THNSL1: variants seen among roughly 807,000 people sequenced by gnomAD.
THNSL1 encodes the protein threonine synthase like 1.
Under a neutral mutation model 50.4 loss-of-function variants are expected in THNSL1, and 48 were observed. The ratio of observed to expected loss-of-function variants is 0.95; its 90% CI spans 0.76 to 1.21. THNSL1 has a LOEUF of 1.21. Ranked by LOEUF, THNSL1 falls within the 50% of genes most tolerant of loss-of-function variation. THNSL1 has a pLI of 0.00. For synonymous variants in THNSL1, 309 were observed against 306.1 expected (o/e 1.01, Z -0.10); for missense variants, 896 against 871.7 (o/e 1.03, Z -0.35).
chr10:24,986,708 G>T, the THNSL1 span, among the ~76,000 whole-genome samples: 1 of 152,170 alleles, frequency 6.6e-6, no homozygotes, highest in Non-Finnish European at 1.5e-5. Context: ...TTATCTTCCA[G>T]TGTGTACAAT....
chr10:24,995,107 T>A, the THNSL1 span, among the ~76,000 whole-genome samples: 1 of 152,200 alleles, frequency 6.6e-6, no homozygotes, highest in Non-Finnish European at 1.5e-5. Flanking sequence ...AAGGACTAGA[T>A]TATTGTACAG....
chr10:25,009,897 G>A, the THNSL1 span, among the ~76,000 whole-genome samples: 4 of 152,268 alleles, frequency 2.6e-5, no homozygotes, highest in African/African-American at 7.2e-5. Flanking sequence ...GTGGAACTGC[G>A]AGTCAAACCT....
intron 2 of THNSL1, among the ~76,000 whole-genome samples, chr10:25,022,582 AGTT>A (rs1202424584): frequency 6.6e-6 from 1 of 152,240 alleles, no homozygotes; most frequent in Non-Finnish European, 1.5e-5. Flanking sequence ...TTTGTCCTGT[AGTT>A]TGGAAAACTA....
upstream of THNSL1, chr10:25,015,893 G>C (rs112816834): frequency 1.0e-4 from 163 of 1,606,928 alleles, no homozygotes; most frequent in Non-Finnish European, 9.0e-5. Flanking sequence ...CAAGTCACTG[G>C]GTATGAGGTT....
At chr10:25,015,328 A>G (rs1213948905), upstream of THNSL1, among the ~76,000 whole-genome samples, 1 of 152,178 alleles carries the variant, frequency 6.6e-6, no homozygotes, top group African/African-American at 2.4e-5. Flanking sequence ...GTCCTTAGAA[A>G]CTGCCTAATA....
chr10:25,024,427 G>C lies in THNSL1; in HGVS notation c.1204G>C (p.Ala402Pro), dbSNP rs367746986. The C allele has an allele frequency of 6.2e-7, 1 of 1,614,042 alleles. No individual in the cohort carries two copies. Among genetic ancestry groups the C allele is most frequent in the Non-Finnish European group, 8.5e-7 (1 of 1,180,034 alleles). Residue 402 changes from alanine (A) to proline (P), a missense_variant, in exon 3 of 3, where the codon GCT becomes CCT. Physicochemically the swap from Ala to Pro is conservative, Grantham distance 27. Transcript: ENST00000376356. The part of the protein sequence containing the change: ...RLNKNDKQRI[A>P]VVAFFPENGV... ...AAATAAGAATGATAAGCAAAGGATA[G>C]CTGTGGTTGCATTTTTTCCTGAGAA...
chr10:24,984,785 G>A, the THNSL1 span: 1 of 1,613,610 alleles, frequency 6.2e-7, no homozygotes, highest in Non-Finnish European at 8.5e-7. Context: ...CCAATGTCGT[G>A]TTCTAGTTGT....
rs755877671 is a variant in THNSL1 at position 25,024,725 on chromosome 10, C to T, written c.1502C>T (p.Pro501Leu). 6.2e-7 allele frequency: 1 copy of T among 1,614,102 alleles called. No individual in the cohort carries two copies. Among genetic ancestry groups the T allele is most frequent in the African/African-American group, 1.3e-5 (1 of 75,024 alleles). Residue 501 changes from proline to leucine, a missense_variant, in exon 3 of 3, where the codon CCA (proline) becomes CTA (leucine). Physicochemically the swap from Pro to Leu is moderately conservative, Grantham distance 98. Transcript: ENST00000376356. ...VSQGFISFGSPVDVCIPTGNF... is the reference protein window; with the variant it reads ...VSQGFISFGSLVDVCIPTGNF... ...CAAGGATTTATTTCTTTTGGAAGCC[C>T]AGTCGATGTCTGTATTCCCACAGGA...
the THNSL1 span, among the ~76,000 whole-genome samples, chr10:24,978,461 T>C: frequency 1.3e-5 from 2 of 151,498 alleles, no homozygotes; most frequent in Non-Finnish European, 2.9e-5. Flanking sequence ...CCTCTCTCTC[T>C]CTTTCCCTCT....
At chr10:24,971,760 G>A in the THNSL1 span, among the ~76,000 whole-genome samples, 9 of 152,148 alleles carry the variant, frequency 5.9e-5, no homozygotes, top group African/African-American at 7.2e-5. Context: ...AAAATCAATG[G>A]TGTTTCACAG....
upstream of THNSL1, among the ~76,000 whole-genome samples, chr10:25,015,202 T>C (rs1222161145): frequency 6.6e-6 from 1 of 152,202 alleles, no homozygotes. Context: ...TTTTTGAGAT[T>C]TGGAGAATTT....
chr10:25,026,338 G>C lies in THNSL1; in HGVS notation c.*883G>C. 1 of 166,554 alleles carries C rather than the reference G, an allele frequency of 6.0e-6. No homozygotes were observed. Among genetic ancestry groups the C allele is most frequent in the Admixed American group, 6.5e-5 (1 of 15,288 alleles). The allele number at this position is 166,554 out of a possible 1,614,324, so 10.3% of individuals were successfully genotyped here. On this transcript the variant is annotated 3_prime_UTR_variant, in exon 3 of 3. Coordinates refer to ENST00000376356, the MANE Select transcript of THNSL1 (RefSeq NM_024838.5). ...AAAATCAACACATAACTGAAATCCA[G>C]GATGAAACAGTAAGCAGAACTACTT... is the stretch of plus-strand genomic sequence containing the variant.
chr10:25,021,037 CTG>C (rs1850708872), intron 1 of THNSL1, among the ~76,000 whole-genome samples: 1 of 152,172 alleles, frequency 6.6e-6, no homozygotes, highest in Admixed American at 6.5e-5. Context: ...AAGGATTAGA[CTG>C]TGCATGGCAA....
At chr10:24,958,455 T>C in the THNSL1 span, among the ~76,000 whole-genome samples, 1 of 152,228 alleles carries the variant, frequency 6.6e-6, no homozygotes, top group Non-Finnish European at 1.5e-5. Context: ...CTTGCTAACT[T>C]TGAAGTAGTT....
At chr10:24,956,502 T>A in the THNSL1 span, among the ~76,000 whole-genome samples, 6 of 148,734 alleles carry the variant, frequency 4.0e-5, no homozygotes, top group Non-Finnish European at 9.0e-5. Flanking sequence ...GTTTACTTAC[T>A]TTTTTTTTTA....
chr10:25,018,698 CTATT>C (rs1850660809), intron 1 of THNSL1, among the ~76,000 whole-genome samples: 1 of 108,790 alleles, frequency 9.2e-6, no homozygotes. Context: ...TTATTTTAAT[CTATT>C]TAAATGAATA....
the THNSL1 span, among the ~76,000 whole-genome samples, chr10:24,987,881 C>A: frequency 6.6e-6 from 1 of 152,044 alleles, no homozygotes; most frequent in Non-Finnish European, 1.5e-5. Context: ...CTGGAACACA[C>A]TAGATATTCA....
chr10:24,979,272 A>G, the THNSL1 span, among the ~76,000 whole-genome samples: 6 of 152,230 alleles, frequency 3.9e-5, no homozygotes, highest in African/African-American at 7.2e-5. Flanking sequence ...AGTGGGTCCA[A>G]TGCTAATGTT....
chr10:24,996,064 T>G, the THNSL1 span, among the ~76,000 whole-genome samples: 1 of 152,198 alleles, frequency 6.6e-6, no homozygotes, highest in South Asian at 2.1e-4. Flanking sequence ...GCTTTTTACC[T>G]GTCAATCAGG....
Sources: allele counts gnomAD v4.1 joint callset (sites outside exome capture counted in the v4.1 genomes callset), GRCh38; gene constraint gnomAD v4.1.1; transcripts MANE v1.5; gene names NCBI Gene and HGNC (gene_info 2026-07-23, HGNC 2026-07-21).